The following ADAMTSL1 variants were observed in gnomAD, a reference collection of about 807,000 sequenced individuals.
ADAMTSL1 encodes ADAMTS-like protein 1.
A neutral mutation model predicts 201.8 loss-of-function variants in ADAMTSL1; 126 were observed. The observed-to-expected ratio is 0.62, with a 90% CI of 0.54 to 0.72. The LOEUF (loss-of-function observed/expected upper bound fraction) is 0.72. Ranked by LOEUF, ADAMTSL1 falls within the 30% of genes least tolerant of loss-of-function variation. The pLI is 0.00. For missense variants in ADAMTSL1, 2,679 were observed against 2,277.8 expected (o/e 1.18, Z -3.59); for synonymous variants, 1,121 against 903.4 (o/e 1.24, Z -4.32).
chr9:18,883,509 T>C (rs959839541), intron 23 of ADAMTSL1, among the ~76,000 whole-genome samples: 2 of 152,232 alleles, frequency 1.3e-5, no homozygotes, highest in Admixed American at 6.5e-5. Flanking sequence ...TACATCTACC[T>C]TGTTGTGCAG....
At chr9:18,575,373 A>C (rs2132371444) in intron 4 of ADAMTSL1, among the ~76,000 whole-genome samples, 1 of 152,290 alleles carries the variant, frequency 6.6e-6, no homozygotes, top group Non-Finnish European at 1.5e-5. Context: ...ACATATCTTA[A>C]GGTTTCCTTA....
chr9:18,789,264 T>A (rs1821888089), intron 19 of ADAMTSL1, among the ~76,000 whole-genome samples: 1 of 152,232 alleles, frequency 6.6e-6, no homozygotes, highest in Non-Finnish European at 1.5e-5. Context: ...CAGGCACTTT[T>A]CTGTGTCCTT....
intron 16 of ADAMTSL1, among the ~76,000 whole-genome samples, chr9:18,756,580 T>C (rs1298923859): frequency 6.6e-6 from 1 of 152,216 alleles, no homozygotes; most frequent in Admixed American, 6.5e-5. Context: ...CCCTGATTCC[T>C]CAGCAATTCT....
At chr9:18,672,801 A>G (rs893874999) in intron 9 of ADAMTSL1, among the ~76,000 whole-genome samples, 2 of 152,214 alleles carry the variant, frequency 1.3e-5, no homozygotes, top group African/African-American at 4.8e-5. Context: ...ACAATTCAGT[A>G]AGACATGTAT....
At chr9:18,847,678 C>T (rs1037187370) in intron 23 of ADAMTSL1, among the ~76,000 whole-genome samples, 1 of 152,088 alleles carries the variant, frequency 6.6e-6, no homozygotes, top group Non-Finnish European at 1.5e-5. Flanking sequence ...AGAAGAGCAT[C>T]CCAGGCACAG....
At chr9:18,804,911 G>GT (rs1242264974) in intron 20 of ADAMTSL1, among the ~76,000 whole-genome samples, 8 of 152,322 alleles carry the variant, frequency 5.3e-5, no homozygotes, top group Non-Finnish European at 1.0e-4. Flanking sequence ...AATTTGCTCA[G>GT]TTTAGGGTGT....
intron 23 of ADAMTSL1, among the ~76,000 whole-genome samples, chr9:18,856,584 C>T (rs1022394686): frequency 2.0e-5 from 3 of 151,042 alleles, no homozygotes; most frequent in Admixed American, 6.6e-5. Context: ...GTGCCTCAGC[C>T]TCCTGAGTAG....
chr9:18,100,291 T>C lies in ADAMTSL1; in HGVS notation c.88-63571T>C, dbSNP rs951964174. On this transcript the variant is annotated intron_variant, in intron 1 of 29. Coordinates refer to the ADAMTSL1 transcript ENST00000680146. Reference sequence around the variant, plus strand: ...TGAAATTCGTTTACCCAAACTGTTTTTGTTTTTGAGAGTCAGTCTTGCTCT... The same window carrying C: ...TGAAATTCGTTTACCCAAACTGTTTCTGTTTTTGAGAGTCAGTCTTGCTCT... Among the ~76,000 whole-genome samples, 16 of 152,140 alleles carry C rather than the reference T, an allele frequency of 1.1e-4. 1 individual carries two copies. Among genetic ancestry groups the C allele is most frequent in the African/African-American group, 3.4e-4 (14 of 41,440 alleles).
At position 18,684,806 on chromosome 9, in the gene ADAMTSL1, T is replaced by A. The variant is rs780142450; in HGVS notation, c.1574+6T>A. 1 of 1,607,910 alleles carries A rather than the reference T, an allele frequency of 6.2e-7. No individual in the cohort carries two copies. Among genetic ancestry groups the A allele is most frequent in the South Asian group, 1.1e-5 (1 of 89,100 alleles). The stretch of plus-strand genomic sequence containing the variant: ...GCTGTGTCAGAGGAGCCCTCGTAAG[T>A]TGTAAAAGCACAGACTGTTCTATAT... On this transcript the variant is annotated splice_donor_region_variant and intron_variant, in intron 13 of 28. Transcript: ENST00000380548.
intron 2 of ADAMTSL1, among the ~76,000 whole-genome samples, chr9:18,406,285 C>T (rs1004108348): frequency 2.9e-5 from 2 of 69,640 alleles, no homozygotes; most frequent in Non-Finnish European, 8.0e-5. Context: ...TGGTATAAGA[C>T]AGTTTTTTCT....
intron 23 of ADAMTSL1, among the ~76,000 whole-genome samples, chr9:18,867,788 G>A (rs1217421210): frequency 2.0e-5 from 3 of 152,010 alleles, no homozygotes; most frequent in East Asian, 1.9e-4. Context: ...CACCATGCCA[G>A]GCTAATTGTT....
chr9:18,649,267 G>C (rs1324618525), intron 7 of ADAMTSL1, among the ~76,000 whole-genome samples: 1 of 151,946 alleles, frequency 6.6e-6, no homozygotes, highest in South Asian at 2.1e-4. Flanking sequence ...CTCTGTATTG[G>C]TTATTCTAGT....
At chr9:18,100,583 A>G (rs977743200) in intron 1 of ADAMTSL1, among the ~76,000 whole-genome samples, 1 of 151,796 alleles carries the variant, frequency 6.6e-6, no homozygotes. Context: ...TCCTAAGTCT[A>G]TTCCCCTCCC....
chr9:18,538,554 T>C (rs1819937493), intron 3 of ADAMTSL1, among the ~76,000 whole-genome samples: 1 of 151,962 alleles, frequency 6.6e-6, no homozygotes. Flanking sequence ...GCTAGTTTAG[T>C]AACTGGCATG....
chr9:18,367,009 T>C (rs1025826659), intron 2 of ADAMTSL1, among the ~76,000 whole-genome samples: 4 of 152,180 alleles, frequency 2.6e-5, no homozygotes, highest in African/African-American at 9.7e-5. Context: ...CAAATTCATT[T>C]CCCCTCCCCT....
intron 16 of ADAMTSL1, among the ~76,000 whole-genome samples, chr9:18,763,352 AT>A (rs571448491): frequency 1.3e-5 from 2 of 151,872 alleles, no homozygotes; most frequent in Admixed American, 6.6e-5. Flanking sequence ...TGATTATTAG[AT>A]TTTTTTCCTA....
chr9:18,575,877 G>C (rs1209410529), intron 4 of ADAMTSL1, among the ~76,000 whole-genome samples: 1 of 152,172 alleles, frequency 6.6e-6, no homozygotes, highest in Admixed American at 6.5e-5. Flanking sequence ...AAACAAGACA[G>C]CTCAGCAAAT....
chr9:18,720,268 C>G (rs1329346666), intron 14 of ADAMTSL1, among the ~76,000 whole-genome samples: 1 of 152,190 alleles, frequency 6.6e-6, no homozygotes, highest in Non-Finnish European at 1.5e-5. Context: ...ACTGTATGAA[C>G]TTAAGCAGGT....
chr9:18,467,581 T>G (rs1383172591), intron 2 of ADAMTSL1, among the ~76,000 whole-genome samples: 1 of 152,200 alleles, frequency 6.6e-6, no homozygotes, highest in Admixed American at 6.5e-5. Flanking sequence ...GAGAAAGTTT[T>G]TAAAAAATTG....
Sources: allele counts gnomAD v4.1 joint callset (sites outside exome capture counted in the v4.1 genomes callset), GRCh38; gene constraint gnomAD v4.1.1; transcripts MANE v1.5; gene names NCBI Gene and HGNC (gene_info 2026-07-23, HGNC 2026-07-21).